The following EPHA5 variants were observed in gnomAD, a reference collection of about 807,000 sequenced individuals.
The protein encoded by EPHA5 is EPH receptor A5.
Under a neutral mutation model 105.0 loss-of-function variants are expected in EPHA5, and 60 were observed. The ratio of observed to expected loss-of-function variants is 0.57; its 90% CI spans 0.46 to 0.71. The LOEUF is 0.71. EPHA5 is among the 30% of genes least tolerant of loss of function. The pLI is 0.00. For missense variants in EPHA5, 1,218 were observed against 1,274.7 expected, an observed-to-expected ratio of 0.96 and a Z score of 0.68; for synonymous variants, 513 against 449.1, an observed-to-expected ratio of 1.14 and a Z score of -1.80.
At chr4:65,420,039 CT>C (rs1042603271) in intron 6 of EPHA5, among the ~76,000 whole-genome samples, 6 of 152,058 alleles carry the variant, frequency 3.9e-5, no homozygotes. Flanking sequence ...TGTGTCTCAT[CT>C]TTTTTCTTAT....
intron 3 of EPHA5, among the ~76,000 whole-genome samples, chr4:65,569,374 G>T (rs998927261): frequency 6.6e-6 from 1 of 151,554 alleles, no homozygotes; most frequent in Admixed American, 6.6e-5. Context: ...AGGAAAAAAT[G>T]TGCCATTGTA....
chr4:65,659,133 A>G (rs958155844), intron 1 of EPHA5, among the ~76,000 whole-genome samples: 2 of 151,906 alleles, frequency 1.3e-5, no homozygotes, highest in African/African-American at 2.4e-5. Context: ...ATAATCTATC[A>G]TGAGTTAGAA....
chr4:65,327,167 G>A (rs1720162108), intron 16 of EPHA5, among the ~76,000 whole-genome samples: 1 of 151,120 alleles, frequency 6.6e-6, no homozygotes, highest in Admixed American at 6.6e-5. Flanking sequence ...AAAGAATTGT[G>A]AGAAATTTTA....
In EPHA5 at chr4:65,335,987, C is replaced by G. The variant is rs1721138764; in HGVS notation, c.2734G>C (p.Asp912His). 6.2e-7 allele frequency: 1 copy of G among 1,613,126 alleles called. No homozygotes were observed. The highest frequency in any genetic ancestry group is 8.5e-7 in the Non-Finnish European group (1 of 1,179,450). ...PKFDEIVNMLDKLIRNPSSLK... is the reference protein window; with the variant it reads ...PKFDEIVNMLHKLIRNPSSLK... ...CTACTTGGGTTACGTATCAGCTTGT[C>G]CAACATGTTGACTATTTCATCAAAC... The change falls in exon 15 of 17, where the codon GAC becomes CAC. Residue 912 changes from aspartate (D) to histidine (H), a missense_variant. This residue lies in a region of EPHA5 where 971 missense variants were observed against 1,013.5 expected (regional missense o/e 0.96). Coordinates refer to ENST00000613740, the MANE Select transcript of EPHA5 (RefSeq NM_001281766.3).
intron 3 of EPHA5, among the ~76,000 whole-genome samples, chr4:65,546,765 T>C (rs537855169): frequency 6.6e-6 from 1 of 152,170 alleles, no homozygotes; most frequent in South Asian, 2.1e-4. Context: ...AAAGTCTAAT[T>C]CTACAAAAAA....
At chr4:65,452,321 G>C (rs1254805185) in intron 5 of EPHA5, among the ~76,000 whole-genome samples, 1 of 152,012 alleles carries the variant, frequency 6.6e-6, no homozygotes, top group African/African-American at 2.4e-5. Flanking sequence ...ATTTTCCTAT[G>C]AGACATTTAA....
At chr4:65,362,181 T>C (rs1015222872) in intron 11 of EPHA5, among the ~76,000 whole-genome samples, 1 of 151,534 alleles carries the variant, frequency 6.6e-6, no homozygotes, top group Non-Finnish European at 1.5e-5. Context: ...GCTTCTGGCA[T>C]GTGATAGTGA....
intron 3 of EPHA5, among the ~76,000 whole-genome samples, chr4:65,496,878 T>C (rs1250035654): frequency 6.6e-6 from 1 of 152,176 alleles, no homozygotes; most frequent in East Asian, 1.9e-4. Context: ...TAACAACTAT[T>C]TAGAATCACA....
At position 65,465,685 on chromosome 4, in the gene EPHA5, C is replaced by G. The variant is rs994378793; in HGVS notation, c.1402+24692G>C. On this transcript the variant is annotated intron_variant, in intron 5 of 16. Coordinates refer to ENST00000613740, the MANE Select transcript of EPHA5 (RefSeq NM_001281766.3). ...TGACAGATGTTGCCCATACGGGTTC[C>G]CCTGCTGTTGGACTATGTAGTAGTA... is the stretch of plus-strand genomic sequence containing the variant. 2.6e-5 allele frequency among the ~76,000 whole-genome samples: 4 copies of G among 152,148 alleles called. No individual in the cohort carries two copies. The East Asian group carries it at 7.7e-4, about 29-fold the overall frequency.
intron 14 of EPHA5, among the ~76,000 whole-genome samples, chr4:65,340,710 GA>G (rs1430469364): frequency 7.9e-5 from 12 of 152,164 alleles, no homozygotes; most frequent in South Asian, 2.1e-4. Context: ...ACAGAACCAT[GA>G]AACAGATGTT....
intron 3 of EPHA5, among the ~76,000 whole-genome samples, chr4:65,512,154 T>C (rs963751587): frequency 2.0e-5 from 3 of 152,046 alleles, no homozygotes; most frequent in Non-Finnish European, 2.9e-5. Flanking sequence ...ATATCTTTGT[T>C]TAAATATGAG....
intron 5 of EPHA5, among the ~76,000 whole-genome samples, chr4:65,440,849 G>A (rs990548033): frequency 1.3e-5 from 2 of 152,040 alleles, no homozygotes; most frequent in East Asian, 1.9e-4. Context: ...TGTCTTCAGA[G>A]GTGGTAGTTT....
intron 3 of EPHA5, among the ~76,000 whole-genome samples, chr4:65,571,754 G>A (rs529245079): frequency 4.0e-4 from 61 of 151,982 alleles, no homozygotes; most frequent in African/African-American, 1.4e-3. Flanking sequence ...TTTTTATTTA[G>A]ACTTCTGTTT....
At chr4:65,444,433 T>A (rs1452210544) in intron 5 of EPHA5, among the ~76,000 whole-genome samples, 4 of 152,238 alleles carry the variant, frequency 2.6e-5, no homozygotes, top group Admixed American at 2.0e-4. Flanking sequence ...AAAGAGGAAA[T>A]CAAAGATCCA....
intron 14 of EPHA5, among the ~76,000 whole-genome samples, chr4:65,338,994 G>A (rs146602156): frequency 6.6e-6 from 1 of 152,198 alleles, no homozygotes; most frequent in African/African-American, 2.4e-5. Context: ...GTAAAGAAAA[G>A]ACAATTAGAA....
chr4:65,526,870 G>A (rs557432447), intron 3 of EPHA5, among the ~76,000 whole-genome samples: 33 of 151,792 alleles, frequency 2.2e-4, no homozygotes, highest in Non-Finnish European at 3.5e-4. Context: ...TCAATAAAAG[G>A]CAATTGATCT....
At chr4:65,522,316 G>GTATATATATATATATATATACACA (rs58851174) in intron 3 of EPHA5, among the ~76,000 whole-genome samples, 4 of 142,860 alleles carry the variant, frequency 2.8e-5, no homozygotes, top group African/African-American at 1.1e-4. Context: ...ATATATATAT[G>GTATATATATATATATATATACACA]TATATATATA....
At chr4:65,331,877 A>G (rs1395204231) in intron 16 of EPHA5, 96 bp downstream of exon 16, 2 of 1,474,980 alleles carry the variant, frequency 1.4e-6, no homozygotes, top group African/African-American at 2.8e-5. Context: ...CACATCCGCA[A>G]AGGTTAACTG....
chr4:65,390,306 G>C (rs1306765748), intron 8 of EPHA5, among the ~76,000 whole-genome samples: 3 of 151,914 alleles, frequency 2.0e-5, no homozygotes, highest in Non-Finnish European at 2.9e-5. Context: ...CAGGCAACTA[G>C]AGACCTCTTC....
Sources: gnomAD v4.1 joint callset for allele counts (sites outside exome capture counted in the v4.1 genomes callset) on GRCh38, gnomAD v4.1.1 for gene constraint, gnomAD v4.1.1 regional missense constraint, MANE v1.5 for transcripts, NCBI Gene and HGNC (gene_info 2026-07-23, HGNC 2026-07-21) for gene names.